CHD3: variants seen among roughly 807,000 people sequenced by gnomAD.
CHD3 encodes the protein ATP-dependent chromatin remodeler CHD3.
Under a neutral mutation model 248.9 loss-of-function variants are expected in CHD3, and 52 were observed. The ratio of observed to expected loss-of-function variants is 0.21; its 90% CI spans 0.17 to 0.26. The LOEUF (loss-of-function observed/expected upper bound fraction) is 0.26, where lower values mean the gene tolerates loss of function less well. Among genes scored for constraint, CHD3 ranks in the 10% least tolerant of loss-of-function variants. The pLI is 1.00. For missense variants in CHD3, 1,482 were observed against 2,605.8 expected, an observed-to-expected ratio of 0.57 and a Z score of 9.39; for synonymous variants, 985 against 985.2, an observed-to-expected ratio of 1.00 and a Z score of 0.00.
chr17:7,899,578 C>A lies in CHD3; in HGVS notation c.2544+35C>A. 2 of 1,585,272 alleles carry A rather than the reference C, an allele frequency of 1.3e-6. No individual in the cohort carries two copies. The highest frequency in any genetic ancestry group is 1.7e-6 in the Non-Finnish European group (2 of 1,157,318). ...TCTACCTCATATCCTCTGAGACCCT[C>A]AAAGCTGTCACTTCTTTTTCTCAGC... On this transcript the variant is annotated intron_variant, in intron 15 of 39. Coordinates refer to ENST00000330494, the MANE Select transcript of CHD3 (RefSeq NM_001005273.3). The surrounding 1 kb of genome is among the most constrained non-coding windows in gnomAD (Gnocchi z 6.8).
At position 7,897,038 on chromosome 17, in the gene CHD3, T is replaced by C; in HGVS notation, c.1708-45T>C. The stretch of plus-strand genomic sequence containing the variant: ...CTTCCCGGTTCCTTGTTGTCCTCTG[T>C]GAGTGTCAGGACTATCTCTTTCCCT... On this transcript the variant is annotated intron_variant, in intron 10 of 39. Coordinates refer to ENST00000330494, the MANE Select transcript of CHD3 (RefSeq NM_001005273.3). The surrounding 1 kb of genome is among the most constrained non-coding windows in gnomAD (Gnocchi z 4.8). The C allele has an allele frequency of 6.6e-7, 1 of 1,523,134 alleles. No individual in the cohort carries two copies. Among genetic ancestry groups the C allele is most frequent in the South Asian group, 1.1e-5 (1 of 89,076 alleles). 94.4% of individuals were successfully genotyped at this position (1,523,134 alleles called of 1,614,324 possible).
Position 7,900,256 on chromosome 17 carries a change from C to A in CHD3, c.2683-34C>A. 1.9e-6 allele frequency: 3 copies of A among 1,613,450 alleles called. No individual in the cohort carries two copies. Among genetic ancestry groups the A allele is most frequent in the Non-Finnish European group, 2.5e-6 (3 of 1,179,826 alleles). On this transcript the variant is annotated intron_variant, in intron 16 of 39. Transcript: ENST00000330494. This position sits in a 1 kb window ranked among gnomAD's most constrained non-coding sequence, Gnocchi z 6.5. The stretch of plus-strand genomic sequence containing the variant: ...GGTCGGTCACTTGTCACTAATAAGC[C>A]CATTTTCCTGCCTTGCCTTGCCCCA...
rs763610261 is a variant in CHD3, at chr17:7,899,592, C to T, written c.2544+49C>T. 6.4e-7 allele frequency: 1 copy of T among 1,568,010 alleles called. No individual in the cohort carries two copies. The highest frequency in any genetic ancestry group is 1.1e-5 in the South Asian group (1 of 89,292). ...TCTGAGACCCTCAAAGCTGTCACTT[C>T]TTTTTCTCAGCCAGGAATTCAGTTT... On this transcript the variant is annotated intron_variant, in intron 15 of 39. Transcript: ENST00000330494. The surrounding 1 kb of genome is among the most constrained non-coding windows in gnomAD (Gnocchi z 6.8).
At position 7,905,740 on chromosome 17, in the gene CHD3, A is replaced by G; in HGVS notation, c.4224+34A>G. ...TGGGCCCAGTGTTCCTGAGTTCTCCAAGAGGGCATGAGGGCAGGAGGTTGG... is the reference window on the plus strand; with the variant it reads ...TGGGCCCAGTGTTCCTGAGTTCTCCGAGAGGGCATGAGGGCAGGAGGTTGG... On this transcript the variant is annotated intron_variant, in intron 27 of 39. Transcript: ENST00000330494. This position sits in a 1 kb window ranked among gnomAD's most constrained non-coding sequence, Gnocchi z 5.8. The G allele has an allele frequency of 1.2e-6, 2 of 1,613,156 alleles. No homozygotes were observed. Among genetic ancestry groups the G allele is most frequent in the Non-Finnish European group, 1.7e-6 (2 of 1,179,236 alleles).
upstream of CHD3, among the ~76,000 whole-genome samples, chr17:7,886,688 GT>G (rs1384187173): frequency 7.9e-5 from 12 of 152,164 alleles, no homozygotes; most frequent in Non-Finnish European, 1.6e-4. The surrounding 1 kb of genome is among the most constrained non-coding windows in gnomAD (Gnocchi z 4.2). Flanking sequence ...GGAATGAGGA[GT>G]TGTGGGGAGA....
At position 7,911,487 on chromosome 17, in the gene CHD3, C is replaced by A; in HGVS notation, c.5905C>A (p.Leu1969Ile). 6.2e-7 allele frequency: 1 copy of A among 1,614,184 alleles called. No homozygotes were observed. Among genetic ancestry groups the A allele is most frequent in the Middle Eastern group, 1.6e-4 (1 of 6,062 alleles). The change falls in exon 40 of 40, where the codon CTT becomes ATT. Residue 1969 changes from leucine to isoleucine, a missense_variant. Leu to Ile is a conservative substitution (Grantham distance 5, BLOSUM62 2). This residue lies in a region of CHD3 where 117 missense variants were observed against 137.2 expected (regional missense o/e 0.85). Transcript: ENST00000330494. The surrounding 1 kb of genome is among the most constrained non-coding windows in gnomAD (Gnocchi z 5.4). ...AGCCGCCACCAACGGCCCTCCAGTG[C>A]TTGTGAAGAAGGAGAAGGAAATGGT... ...ITAATNGPPV[L>I]VKKEKEMVGA... is the part of the protein sequence containing the mutation.
chr17:7,894,270 G>A lies in CHD3; in HGVS notation c.1075+5G>A. On this transcript the variant is annotated splice_donor_5th_base_variant and intron_variant, in intron 7 of 39. Coordinates refer to ENST00000330494, the MANE Select transcript of CHD3 (RefSeq NM_001005273.3). Reference sequence around the variant, plus strand: ...CAGGAAGGAAGAAGAAGAAGGGTAAGGAGTGTTGACTGTGTGTGATCCTGT... The same window carrying A: ...CAGGAAGGAAGAAGAAGAAGGGTAAAGAGTGTTGACTGTGTGTGATCCTGT... 1 of 1,613,418 alleles carries A rather than the reference G, an allele frequency of 6.2e-7. No individual in the cohort carries two copies. The highest frequency in any genetic ancestry group is 8.5e-7 in the Non-Finnish European group (1 of 1,179,654).
In CHD3 at chr17:7,911,798, C is replaced by T; in HGVS notation, c.*213C>T. 7.0e-7 allele frequency: 1 copy of T among 1,438,590 alleles called. No individual in the cohort carries two copies. The highest frequency in any genetic ancestry group is 9.3e-7 in the Non-Finnish European group (1 of 1,074,404). 89.1% of individuals were successfully genotyped at this position (1,438,590 alleles called of 1,614,324 possible). A position where few individuals can be genotyped will look rare whatever the true frequency, so the allele number is the denominator to read the frequency against. On this transcript the variant is annotated 3_prime_UTR_variant, in exon 40 of 40. Coordinates refer to ENST00000330494, the MANE Select transcript of CHD3 (RefSeq NM_001005273.3). The surrounding 1 kb of genome is among the most constrained non-coding windows in gnomAD (Gnocchi z 5.4). ...CACCTTTCCCACCAAGCCTTGAAGA[C>T]TGTGCTGGTGAGAAGAAGTCTGGGT...
rs776577787 is a variant in CHD3, at chr17:7,899,417, G to A, written c.2418G>A (p.Met806Ile). The A allele has an allele frequency of 6.2e-7, 1 of 1,614,198 alleles. No homozygotes were observed. The highest frequency in any genetic ancestry group is 2.2e-5 in the East Asian group (1 of 44,884). ...TTAACTGGGAGCGGGAGTTCCAGAT[G>A]TGGGCACCCAAATTCTATGTGGTGA... ...TIINWEREFQ[M>I]WAPKFYVVTY... is the part of the protein sequence containing the mutation. Residue 806 changes from methionine (M) to isoleucine (I), a missense_variant, in exon 15 of 40, where the codon ATG becomes ATA. Physicochemically the swap from Met to Ile is conservative, Grantham distance 10 (BLOSUM62 1). Around this residue, in one of 20 missense-constraint regions of CHD3, gnomAD observed 49 missense variants for 93.8 expected, o/e 0.52. Coordinates refer to ENST00000330494, the MANE Select transcript of CHD3 (RefSeq NM_001005273.3). The surrounding 1 kb of genome is among the most constrained non-coding windows in gnomAD (Gnocchi z 6.8).
Position 7,895,717 on chromosome 17 carries a change from C to T in CHD3, c.1707+175C>T, listed in dbSNP as rs1202652919. The stretch of plus-strand genomic sequence containing the variant: ...TATGTGGTTCTTTTGGTCTACAGTC[C>T]TCTTTCTCTCAGTCTCCGTTAGCTT... On this transcript the variant is annotated intron_variant, in intron 10 of 39. Coordinates refer to ENST00000330494, the MANE Select transcript of CHD3 (RefSeq NM_001005273.3). The surrounding 1 kb of genome is among the most constrained non-coding windows in gnomAD (Gnocchi z 4.9). 2.9e-5 allele frequency: 18 copies of T among 613,918 alleles called. No individual in the cohort carries two copies. The highest frequency in any genetic ancestry group is 1.8e-5 in the African/African-American group (1 of 54,082). 38.0% of individuals were successfully genotyped at this position (613,918 alleles called of 1,614,324 possible).
chr17:7,896,227 CAAAAAAAAA>C lies in CHD3; in HGVS notation c.1707+702_1707+710del, dbSNP rs750972677. Among the ~76,000 whole-genome samples, 354 of 57,922 alleles carry C rather than the reference CAAAAAAAAA, an allele frequency of 6.1e-3. 4 individuals carry two copies. Among genetic ancestry groups the C allele is most frequent in the African/African-American group, 0.021 (335 of 15,802 alleles). The allele number at this position is 57,922 out of a possible 152,430, so 38.0% of individuals were successfully genotyped here. On this transcript the variant is annotated intron_variant, in intron 10 of 39. Transcript: ENST00000330494. ...TGGGCGACAGAGCGACACTCTATCTCAAAAAAAAAAAAAAAAAAAAAAAAATTCTCAATG... is the reference window on the plus strand; with the variant it reads ...TGGGCGACAGAGCGACACTCTATCTCAAAAAAAAAAAAAAAATTCTCAATG...
chr17:7,901,439 T>A, intron 20 of CHD3, 64 bp downstream of exon 20: 1 of 1,434,120 alleles, frequency 7.0e-7, no homozygotes, highest in South Asian at 1.6e-5. Flanking sequence ...CCTCCAGACT[T>A]TAATTTCTTA....
rs900005006 is a variant in CHD3, at chr17:7,900,553, C to CT, written c.2805-3dup. ...CTGTTAATTTTCTTCTCTTCTGGCT[C>CT]TTAGCAACTTGGAGGGCTTCCTGGA... On this transcript the variant is annotated splice_region_variant and splice_polypyrimidine_tract_variant and intron_variant, in intron 17 of 39. Transcript: ENST00000330494. The surrounding 1 kb of genome is among the most constrained non-coding windows in gnomAD (Gnocchi z 6.5). 1.2e-6 allele frequency: 2 copies of CT among 1,612,576 alleles called. No individual in the cohort carries two copies. The highest frequency in any genetic ancestry group is 2.7e-5 in the African/African-American group (2 of 74,870).
chr17:7,905,012 G>A lies in CHD3; in HGVS notation c.4073-88G>A, dbSNP rs901849424. 11 of 1,216,096 alleles carry A rather than the reference G, an allele frequency of 9.0e-6. No homozygotes were observed. The highest frequency in any genetic ancestry group is 7.3e-5 in the South Asian group (6 of 82,126). The allele number at this position is 1,216,096 out of a possible 1,614,324, so 75.3% of individuals were successfully genotyped here. A position where few individuals can be genotyped will look rare whatever the true frequency, so the allele number is the denominator to read the frequency against. On this transcript the variant is annotated intron_variant, in intron 25 of 39. Transcript: ENST00000330494. The surrounding 1 kb of genome is among the most constrained non-coding windows in gnomAD (Gnocchi z 5.8). ...GCCAGAATAAAGGTAGACAAGTCTC[G>A]GCAGGGAGGAATCCAGCCAGAAAGG... is the stretch of plus-strand genomic sequence containing the variant.
At chr17:7,902,907 GA>G (rs1567860447) in intron 21 of CHD3, 29 bp from the exon 22 acceptor site, 10 of 1,613,084 alleles carry the variant, frequency 6.2e-6, no homozygotes, top group Admixed American at 1.7e-5. Flanking sequence ...CCGGGTACAA[GA>G]AAAACCTGAT....
chr17:7,907,959 C>T lies in CHD3; in HGVS notation c.5092C>T (p.Arg1698Ter). The change falls in exon 34 of 40, where the codon CGA (arginine) becomes TGA (stop). Residue 1698 changes from arginine (R) to a stop codon, truncating the protein, a stop_gained. Transcript: ENST00000330494. LOFTEE classifies it high-confidence loss of function. This position sits in a 1 kb window ranked among gnomAD's most constrained non-coding sequence, Gnocchi z 4.3. The part of the protein sequence containing the change: ...PRDEPRSNGR[R>*]EEKTEKPRFM... ...AGATGAGCCACGGTCCAATGGGCGA[C>T]GAGAGGAAAAGACAGAGAAGCCCCG... is the stretch of plus-strand genomic sequence containing the variant. 6.2e-7 allele frequency: 1 copy of T among 1,612,974 alleles called. No homozygotes were observed. The highest frequency in any genetic ancestry group is 8.5e-7 in the Non-Finnish European group (1 of 1,179,158).
At position 7,910,573 on chromosome 17, in the gene CHD3, G is replaced by A. The variant is rs200737527; in HGVS notation, c.5736G>A (p.Thr1912=). The change falls in exon 38 of 40, where the codon ACG becomes ACA. Residue 1912 remains threonine (T), a synonymous_variant. Coordinates refer to ENST00000330494, the MANE Select transcript of CHD3 (RefSeq NM_001005273.3). The surrounding 1 kb of genome is among the most constrained non-coding windows in gnomAD (Gnocchi z 4.7). ...SILSRLASKG[T]EPHPTPAYPP... ...TCAGCCGGCTGGCCAGCAAGGGCAC[G>A]GAGCCTCACCCCACACCGGTAACCC... The A allele has an allele frequency of 1.6e-4, 262 of 1,610,758 alleles. No individual in the cohort carries two copies. Among genetic ancestry groups the A allele is most frequent in the Non-Finnish European group, 2.0e-4 (233 of 1,179,954 alleles).
rs764655073 is a variant in CHD3 at position 7,906,035 on chromosome 17, C to A, written c.4358+46C>A. ...GCTGAGTTGGACGCAAGGGGAAGAG[C>A]TTTGGGTGTTCCTTTCTTCCTTGGG... is the stretch of plus-strand genomic sequence containing the variant. On this transcript the variant is annotated intron_variant, in intron 28 of 39. Transcript: ENST00000330494. The surrounding 1 kb of genome is among the most constrained non-coding windows in gnomAD (Gnocchi z 5.0). 1 of 1,610,692 alleles carries A rather than the reference C, an allele frequency of 6.2e-7. No individual in the cohort carries two copies. Among genetic ancestry groups the A allele is most frequent in the Non-Finnish European group, 8.5e-7 (1 of 1,178,344 alleles).
rs764659804 is a variant in CHD3, at chr17:7,904,187, G to A, written c.3894+196G>A. 10 of 636,714 alleles carry A rather than the reference G, an allele frequency of 1.6e-5. No individual in the cohort carries two copies. Among genetic ancestry groups the A allele is most frequent in the African/African-American group, 3.7e-5 (2 of 54,496 alleles). The allele number at this position is 636,714 out of a possible 1,614,324, so 39.4% of individuals were successfully genotyped here. A position where few individuals can be genotyped will look rare whatever the true frequency, so the allele number is the denominator to read the frequency against. ...AGACAGTACTGGTAAACACAGAAGG[G>A]TACCTTCTGAGACAGTGCAGGAGAA... On this transcript the variant is annotated intron_variant, in intron 24 of 39. Coordinates refer to ENST00000330494, the MANE Select transcript of CHD3 (RefSeq NM_001005273.3). This position sits in a 1 kb window ranked among gnomAD's most constrained non-coding sequence, Gnocchi z 4.4.
Sources: gnomAD v4.1 joint callset for allele counts (sites outside exome capture counted in the v4.1 genomes callset) on GRCh38, gnomAD v4.1.1 for gene constraint, gnomAD v4.1.1 regional missense constraint, Gnocchi (gnomAD v3.1) non-coding constraint, MANE v1.5 for transcripts, NCBI Gene and HGNC (gene_info 2026-07-23, HGNC 2026-07-21) for gene names.